The following MINDY2 variants were observed in gnomAD, a reference collection of about 807,000 sequenced individuals.
The protein encoded by MINDY2 is ubiquitin carboxyl-terminal hydrolase MINDY-2.
Under a neutral mutation model 68.2 loss-of-function variants are expected in MINDY2, and 52 were observed. The ratio of observed to expected loss-of-function variants is 0.76; its 90% CI spans 0.61 to 0.96. The LOEUF (loss-of-function observed/expected upper bound fraction) is 0.96, where lower values mean the gene tolerates loss of function less well. Among genes scored for constraint, MINDY2 ranks in the 40% least tolerant of loss-of-function variants. MINDY2 has a pLI of 0.00. For missense variants in MINDY2, 881 were observed against 773.4 expected (o/e 1.14, Z -1.65); for synonymous variants, 372 against 303.0 (o/e 1.23, Z -2.36).
At chr15:58,800,045 G>A (rs1454058564) in intron 2 of MINDY2, among the ~76,000 whole-genome samples, 3 of 152,136 alleles carry the variant, frequency 2.0e-5, no homozygotes, top group Non-Finnish European at 1.5e-5. Context: ...ATATAAATAC[G>A]CTATAAAGCG....
At chr15:58,853,561 G>A (rs987692735) in intron 8 of MINDY2, among the ~76,000 whole-genome samples, 13 of 151,612 alleles carry the variant, frequency 8.6e-5, no homozygotes, top group Non-Finnish European at 1.6e-4. Flanking sequence ...TGGCTCACAC[G>A]TATAATCCCA....
At chr15:58,838,362 C>T (rs1357949754) in intron 6 of MINDY2, among the ~76,000 whole-genome samples, 1 of 151,854 alleles carries the variant, frequency 6.6e-6, no homozygotes, top group Non-Finnish European at 1.5e-5. Context: ...CATGCCACTG[C>T]ACTCCAGCCT....
rs2033154145 is a variant in MINDY2 at position 58,859,423 on chromosome 15, A to G, written c.*4813A>G. On this transcript the variant is annotated 3_prime_UTR_variant, in exon 9 of 9. Transcript: ENST00000559228. ...AATTGTGTTTTTAGTGTAAAATGTT[A>G]TTTGATAATGTGAAGTTAAATCCCT... 6.6e-6 allele frequency: 1 copy of G among 152,160 alleles called. No homozygotes were observed. The highest frequency in any genetic ancestry group is 1.5e-5 in the Non-Finnish European group (1 of 67,994). 9.4% of individuals were successfully genotyped at this position (152,160 alleles called of 1,614,324 possible).
At chr15:58,850,211 G>C (rs2032747629) in intron 7 of MINDY2, among the ~76,000 whole-genome samples, 1 of 152,310 alleles carries the variant, frequency 6.6e-6, no homozygotes, top group Admixed American at 6.5e-5. Context: ...AAACTAATCT[G>C]AGTGTGTACA....
intron 1 of MINDY2, among the ~76,000 whole-genome samples, chr15:58,773,637 G>T (rs1900582563): frequency 6.6e-6 from 1 of 152,074 alleles, no homozygotes. Flanking sequence ...TTTTCCTTTG[G>T]TATGGCGTAG....
At chr15:58,807,606 G>T (rs1903121069) in intron 3 of MINDY2, among the ~76,000 whole-genome samples, 2 of 151,946 alleles carry the variant, frequency 1.3e-5, no homozygotes, top group South Asian at 4.2e-4. Context: ...CTTGTGATCC[G>T]CCCGCCTCGG....
chr15:58,802,813 A>G (rs929130460), intron 3 of MINDY2, among the ~76,000 whole-genome samples: 1 of 152,144 alleles, frequency 6.6e-6, no homozygotes, highest in Non-Finnish European at 1.5e-5. Context: ...TTGCTATTTG[A>G]TAGTTTCAGT....
chr15:58,851,827 GGAA>G lies in MINDY2; in HGVS notation c.1600_1602del (p.Glu534del). On this transcript the variant is annotated inframe_deletion, in exon 8 of 9. Coordinates refer to ENST00000559228, the MANE Select transcript of MINDY2 (RefSeq NM_001040450.3). The stretch of plus-strand genomic sequence containing the variant: ...AACAGCAGAGCCAAGAGATCAATTG[GGAA>G]CAAATCCCGGAAGGAATCAGTGATT... The G allele has an allele frequency of 6.2e-7, 1 of 1,611,838 alleles. No individual in the cohort carries two copies. Among genetic ancestry groups the G allele is most frequent in the Non-Finnish European group, 8.5e-7 (1 of 1,179,336 alleles).
chr15:58,807,268 T>C (rs1291213248), intron 3 of MINDY2, among the ~76,000 whole-genome samples: 1 of 152,078 alleles, frequency 6.6e-6, no homozygotes, highest in African/African-American at 2.4e-5. Flanking sequence ...ATGTATTGGT[T>C]TTTCTTTATT....
intron 6 of MINDY2, among the ~76,000 whole-genome samples, chr15:58,836,247 T>G (rs570037410): frequency 6.6e-6 from 1 of 151,968 alleles, no homozygotes; most frequent in African/African-American, 2.4e-5. Context: ...CTTTTTTTTT[T>G]TTTTTGAGAC....
At position 58,861,120 on chromosome 15, in the gene MINDY2, T is replaced by A. The variant is rs546416607; in HGVS notation, c.*6510T>A. The A allele has an allele frequency of 6.6e-6, 1 of 152,354 alleles. No individual in the cohort carries two copies. Among genetic ancestry groups the A allele is most frequent in the Non-Finnish European group, 1.5e-5 (1 of 68,032 alleles). The allele number at this position is 152,354 out of a possible 1,614,324, so 9.4% of individuals were successfully genotyped here. A position where few individuals can be genotyped will look rare whatever the true frequency, so the allele number is the denominator to read the frequency against. On this transcript the variant is annotated 3_prime_UTR_variant, in exon 9 of 9. Transcript: ENST00000559228. ...AGCTAGTGCGTGTGAATCTTTTCCT[T>A]GAATTGTGCAGAATAATTGGATTGA... is the stretch of plus-strand genomic sequence containing the variant.
At chr15:58,845,507 C>T (rs1354180195) in intron 6 of MINDY2, among the ~76,000 whole-genome samples, 3 of 152,190 alleles carry the variant, frequency 2.0e-5, no homozygotes, top group African/African-American at 2.4e-5. Context: ...TATCATCTCA[C>T]CCCAGTTAAA....
intron 2 of MINDY2, among the ~76,000 whole-genome samples, chr15:58,790,388 C>T (rs1567043182): frequency 1.3e-5 from 2 of 152,098 alleles, no homozygotes; most frequent in East Asian, 1.9e-4. Flanking sequence ...TCAAGGAGTA[C>T]ACAAAGGGGA....
intron 2 of MINDY2, among the ~76,000 whole-genome samples, chr15:58,789,642 T>G (rs1444247265): frequency 6.6e-6 from 1 of 150,980 alleles, no homozygotes; most frequent in Non-Finnish European, 1.5e-5. Flanking sequence ...GTTTTTGGTT[T>G]GTTTTTGTTT....
intron 1 of MINDY2, among the ~76,000 whole-genome samples, chr15:58,785,715 C>T (rs1312115111): frequency 6.6e-6 from 1 of 152,122 alleles, no homozygotes; most frequent in Non-Finnish European, 1.5e-5. Flanking sequence ...CTCACTCTGT[C>T]ACCCAGGCTG....
At chr15:58,780,767 G>A (rs1901083416) in intron 1 of MINDY2, among the ~76,000 whole-genome samples, 1 of 152,098 alleles carries the variant, frequency 6.6e-6, no homozygotes, top group Non-Finnish European at 1.5e-5. Flanking sequence ...GAATCAGCTG[G>A]CCTTTCCCAT....
Position 58,771,570 on chromosome 15 carries a change from G to T in MINDY2, c.175G>T (p.Ala59Ser). 1 of 1,611,150 alleles carries T rather than the reference G, an allele frequency of 6.2e-7. No homozygotes were observed. Among genetic ancestry groups the T allele is most frequent in the Non-Finnish European group, 8.5e-7 (1 of 1,179,540 alleles). The change falls in exon 1 of 9, where the codon GCC becomes TCC. Residue 59 changes from alanine to serine, a missense_variant. Ala to Ser is a moderately conservative substitution (Grantham distance 99). Coordinates refer to ENST00000559228, the MANE Select transcript of MINDY2 (RefSeq NM_001040450.3). ...CGGGAATGGGCTGGGGGCGGCGGCC[G>T]CCAGGAGGAGCCTCCCGGACTCGGC... ...SGGNGLGAAAARRSLPDSASP... is the reference protein window; with the variant it reads ...SGGNGLGAAASRRSLPDSASP...
Position 58,856,272 on chromosome 15 carries a change from T to A in MINDY2, c.*1662T>A, listed in dbSNP as rs1249438913. ...ATCCACTTGGAGAGTGTTTTTTTTGTGTGTGGTCTGGGGTGACAAAAGACC... is the reference window on the plus strand; with the variant it reads ...ATCCACTTGGAGAGTGTTTTTTTTGAGTGTGGTCTGGGGTGACAAAAGACC... On this transcript the variant is annotated 3_prime_UTR_variant, in exon 9 of 9. Coordinates refer to ENST00000559228, the MANE Select transcript of MINDY2 (RefSeq NM_001040450.3). 1 of 152,568 alleles carries A rather than the reference T, an allele frequency of 6.6e-6. No individual in the cohort carries two copies. Among genetic ancestry groups the A allele is most frequent in the African/African-American group, 2.4e-5 (1 of 41,414 alleles). 9.5% of individuals were successfully genotyped at this position (152,568 alleles called of 1,614,324 possible).
At chr15:58,835,869 C>G (rs1479694031) in intron 6 of MINDY2, among the ~76,000 whole-genome samples, 3 of 151,964 alleles carry the variant, frequency 2.0e-5, no homozygotes, top group Non-Finnish European at 4.4e-5. Context: ...AAATAGATAG[C>G]CAGGCACTAG....
Sources: allele counts gnomAD v4.1 joint callset (sites outside exome capture counted in the v4.1 genomes callset), GRCh38; gene constraint gnomAD v4.1.1; transcripts MANE v1.5; gene names NCBI Gene and HGNC (gene_info 2026-07-23, HGNC 2026-07-21).